Variants in AKAP3 observed in about 807,000 individuals in gnomAD.
AKAP3 encodes A-kinase anchor protein 3.
A neutral mutation model predicts 57.2 loss-of-function variants in AKAP3; 27 were observed. That is an observed-to-expected ratio of 0.47 (90% CI 0.35 to 0.65). The LOEUF is 0.65. Ranked by LOEUF, AKAP3 falls within the 30% of genes least tolerant of loss-of-function variation. The pLI is 0.01. For missense variants in AKAP3, 959 were observed against 1,040.0 expected, an observed-to-expected ratio of 0.92 and a Z score of 1.07; for synonymous variants, 334 against 392.3, an observed-to-expected ratio of 0.85 and a Z score of 1.76.
At position 4,626,716 on chromosome 12, in the gene AKAP3, A is replaced by G; in HGVS notation, c.2186T>C (p.Val729Ala). Residue 729 changes from valine (V) to alanine (A), a missense_variant, in exon 5 of 6, where the codon GTC becomes GCC. Transcript: ENST00000228850. ...PAKGTGSAEA[V>A]LQNAYQAIHN... ...GATAGCTTGATAGGCATTCTGCAGGACAGCTTCTGCTGACCCTGTGCCCTT... is the reference window on the plus strand; with the variant it reads ...GATAGCTTGATAGGCATTCTGCAGGGCAGCTTCTGCTGACCCTGTGCCCTT... The G allele has an allele frequency of 6.2e-7, 1 of 1,614,008 alleles. No individual in the cohort carries two copies. The highest frequency in any genetic ancestry group is 8.5e-7 in the Non-Finnish European group (1 of 1,180,004).
At position 4,648,928 on chromosome 12, in the gene AKAP3, G is replaced by T; in HGVS notation, c.-428C>A. ...CCTATACAGCCTATTCCAGATCTGA[G>T]ATTCCAACAGCCAAAGTCTTTTCAC... On this transcript the variant is annotated 5_prime_UTR_variant, in exon 1 of 6. Coordinates refer to ENST00000228850, the MANE Select transcript of AKAP3 (RefSeq NM_001278309.2). 1 of 620,714 alleles carries T rather than the reference G, an allele frequency of 1.6e-6. No homozygotes were observed. The allele number at this position is 620,714 out of a possible 1,614,324, so 38.5% of individuals were successfully genotyped here.
At chr12:4,616,231 C>G (rs1945283705) in intron 5 of AKAP3, among the ~76,000 whole-genome samples, 2 of 152,122 alleles carry the variant, frequency 1.3e-5, no homozygotes, top group African/African-American at 2.4e-5. Flanking sequence ...TTTCCATGCC[C>G]CATAGACCAC....
chr12:4,647,939 T>G (rs2137456014), intron 1 of AKAP3: 1 of 152,268 alleles, frequency 6.6e-6, no homozygotes, highest in East Asian at 1.9e-4. Flanking sequence ...CAGGCCTTTT[T>G]GTCTATCCCA....
At position 4,643,826 on chromosome 12, in the gene AKAP3, T is replaced by G. The variant is rs557160444; in HGVS notation, c.-107+1229A>C. 2.0e-5 allele frequency among the ~76,000 whole-genome samples: 3 copies of G among 152,362 alleles called. No homozygotes were observed. The East Asian group carries it at 5.8e-4, about 29-fold the overall frequency. ...CAAGGCAGTTTTCTCCTGTATCCAT[T>G]TTAAGTGAGAGGCTCCTGTTTACCC... is the stretch of plus-strand genomic sequence containing the variant. On this transcript the variant is annotated intron_variant, in intron 2 of 5. Transcript: ENST00000228850.
chr12:4,625,692 TGA>T lies in AKAP3; in HGVS notation c.2406+802_2406+803del, dbSNP rs77632031. Among the ~76,000 whole-genome samples, 72 of 146,326 alleles carry T rather than the reference TGA, an allele frequency of 4.9e-4. No homozygotes were observed. The highest frequency in any genetic ancestry group is 2.4e-3 in the South Asian group (11 of 4,544). ...ATCAAAAGCACTGAGGAAGAGAAAATGAGAGAGAGAGAGAGAGAGAGAGAGCA... is the reference window on the plus strand; with the variant it reads ...ATCAAAAGCACTGAGGAAGAGAAAATGAGAGAGAGAGAGAGAGAGAGAGCA... On this transcript the variant is annotated intron_variant, in intron 5 of 5. Coordinates refer to ENST00000228850, the MANE Select transcript of AKAP3 (RefSeq NM_001278309.2). The surrounding 1 kb of genome is among the most constrained non-coding windows in gnomAD (Gnocchi z 5.4).
chr12:4,644,769 C>T (rs188755075), intron 2 of AKAP3, among the ~76,000 whole-genome samples: 1 of 152,238 alleles, frequency 6.6e-6, no homozygotes, highest in East Asian at 1.9e-4. Context: ...AAAAAATTAG[C>T]CAGGTGAGAT....
chr12:4,637,487 AT>A lies in AKAP3; in HGVS notation c.96+613del, dbSNP rs1332014721. The stretch of plus-strand genomic sequence containing the variant: ...GTAGTAGCTGCTTTCTGCATTTGTT[AT>A]TTCTGGGATTCCTAGAGTCCTCTTT... On this transcript the variant is annotated intron_variant, in intron 4 of 5. Coordinates refer to ENST00000228850, the MANE Select transcript of AKAP3 (RefSeq NM_001278309.2). 3.9e-5 allele frequency among the ~76,000 whole-genome samples: 6 copies of A among 152,180 alleles called. No homozygotes were observed. The East Asian group carries it at 5.8e-4, about 15-fold the overall frequency.
chr12:4,619,107 C>CA (rs1945317615), intron 5 of AKAP3, among the ~76,000 whole-genome samples: 1 of 152,032 alleles, frequency 6.6e-6, no homozygotes, highest in African/African-American at 2.4e-5. Context: ...GTATGTAGGC[C>CA]AAATGAAATG....
chr12:4,644,787 G>A (rs562101489), intron 2 of AKAP3, among the ~76,000 whole-genome samples: 3 of 152,254 alleles, frequency 2.0e-5, no homozygotes, highest in African/African-American at 4.8e-5. Context: ...GATGGTGGAT[G>A]CCTGTAATCT....
chr12:4,646,943 C>T lies in AKAP3; in HGVS notation c.-244-1751G>A, dbSNP rs148649726. On this transcript the variant is annotated intron_variant, in intron 1 of 5. Coordinates refer to ENST00000228850, the MANE Select transcript of AKAP3 (RefSeq NM_001278309.2). The stretch of plus-strand genomic sequence containing the variant: ...GATTACAGGTGCACACCACCACACA[C>T]GGCTAATTTTTGTATTTTTAGTAGA... 6.2e-3 allele frequency among the ~76,000 whole-genome samples: 937 copies of T among 152,048 alleles called. 9 individuals are homozygous for T. The highest frequency in any genetic ancestry group is 0.021 in the African/African-American group (890 of 41,476).
At chr12:4,619,507 T>C (rs916349347) in intron 5 of AKAP3, among the ~76,000 whole-genome samples, 1 of 151,808 alleles carries the variant, frequency 6.6e-6, no homozygotes, top group Admixed American at 6.6e-5. Context: ...GCAGTGACTA[T>C]GATTATGCCA....
chr12:4,635,526 T>G (rs1371006039), intron 4 of AKAP3: 2 of 686,760 alleles, frequency 2.9e-6, no homozygotes, highest in Non-Finnish European at 5.5e-6. Context: ...AATAAACTAT[T>G]GTCATCTGCA....
At chr12:4,646,076 G>T (rs1365690436) in intron 1 of AKAP3, among the ~76,000 whole-genome samples, 1 of 151,932 alleles carries the variant, frequency 6.6e-6, no homozygotes, top group Non-Finnish European at 1.5e-5. Flanking sequence ...CCATCTCTGG[G>T]TTATAATTTG....
intron 5 of AKAP3, among the ~76,000 whole-genome samples, chr12:4,617,830 A>T (rs1165336084): frequency 1.3e-5 from 2 of 152,182 alleles, no homozygotes; most frequent in African/African-American, 4.8e-5. Flanking sequence ...TAGATTAAAT[A>T]CATAAAGCAA....
At chr12:4,647,016 C>T (rs1187097547) in intron 1 of AKAP3, among the ~76,000 whole-genome samples, 1 of 152,068 alleles carries the variant, frequency 6.6e-6, no homozygotes, top group East Asian at 1.9e-4. Flanking sequence ...CTCCTGACCT[C>T]AAGTGATCCG....
rs1945435447 is a variant in AKAP3, at chr12:4,627,527, T to C, written c.1375A>G (p.Thr459Ala). 1 of 1,614,022 alleles carries C rather than the reference T, an allele frequency of 6.2e-7. No homozygotes were observed. The highest frequency in any genetic ancestry group is 8.5e-7 in the Non-Finnish European group (1 of 1,180,002). Residue 459 changes from threonine (T) to alanine (A), a missense_variant, in exon 5 of 6, where the codon ACC (threonine) becomes GCC (alanine). Transcript: ENST00000228850. ...LGEHIIKEGL[T>A]LWHKTQQKEC... ...TTCTGCTGAGTTTTATGCCACAAGG[T>C]AAGCCCCTCTTTGATAATGTGCTCA...
chr12:4,616,209 T>C (rs10849106), intron 5 of AKAP3, among the ~76,000 whole-genome samples: 13,447 of 152,250 alleles, frequency 0.088, 746 homozygotes, highest in South Asian at 0.14. Flanking sequence ...AGTGGACAAA[T>C]GTGGATGCTG....
chr12:4,643,605 G>T (rs1402893734), intron 2 of AKAP3, among the ~76,000 whole-genome samples: 1 of 152,164 alleles, frequency 6.6e-6, no homozygotes, highest in African/African-American at 2.4e-5. Context: ...AGATATTCCA[G>T]CCCTGATAAC....
At chr12:4,635,790 T>G (rs1038412664) in intron 4 of AKAP3, 4 of 703,146 alleles carry the variant, frequency 5.7e-6, no homozygotes. Context: ...TATACTGTAG[T>G]GTCATCAAGA....
Sources: gnomAD v4.1 joint callset for allele counts (sites outside exome capture counted in the v4.1 genomes callset) on GRCh38, gnomAD v4.1.1 for gene constraint, Gnocchi (gnomAD v3.1) non-coding constraint, MANE v1.5 for transcripts, NCBI Gene and HGNC (gene_info 2026-07-23, HGNC 2026-07-21) for gene names.